TFIP11: variants seen among roughly 807,000 people sequenced by gnomAD.
TFIP11 encodes tuftelin interacting protein 11.
In TFIP11, 86 loss-of-function variants were observed where a neutral mutation model predicts 96.8. The observed-to-expected ratio is 0.89, with a 90% CI of 0.75 to 1.06. The LOEUF is 1.06. Ranked by LOEUF, TFIP11 falls within the 50% of genes least tolerant of loss-of-function variation. The probability of loss-of-function intolerance (pLI) is 0.00; values close to 1 mark genes in which losing one functional copy is unlikely to be tolerated. For missense variants in TFIP11, 881 were observed against 1,076.7 expected, an observed-to-expected ratio of 0.82 and a Z score of 2.54; for synonymous variants, 405 against 395.2, an observed-to-expected ratio of 1.02 and a Z score of -0.29.
chr22:26,501,845 C>T lies in TFIP11; in HGVS notation c.801+55G>A, dbSNP rs141906832. On this transcript the variant is annotated intron_variant, in intron 8 of 14. Coordinates refer to ENST00000407690, the MANE Select transcript of TFIP11 (RefSeq NM_012143.4). ...GATCCAAAAAACCCTCGAACATGTT[C>T]AGTGATTATTTCTGGGGTGTGGATC... 4 of 1,197,994 alleles carry T rather than the reference C, an allele frequency of 3.3e-6. No homozygotes were observed. The East Asian group carries it at 1.3e-4, about 38-fold the overall frequency. The allele number at this position is 1,197,994 out of a possible 1,614,324, so 74.2% of individuals were successfully genotyped here. A position where few individuals can be genotyped will look rare whatever the true frequency, so the allele number is the denominator to read the frequency against.
At chr22:26,497,880 A>G (rs1922260201) in intron 10 of TFIP11, among the ~76,000 whole-genome samples, 1 of 151,640 alleles carries the variant, frequency 6.6e-6, no homozygotes, top group African/African-American at 2.4e-5. Flanking sequence ...ATCTCAAAAA[A>G]AAAAAAAAAA....
Position 26,499,367 on chromosome 22 carries a change from G to C in TFIP11, c.1066C>G (p.Leu356Val). 1 of 1,614,104 alleles carries C rather than the reference G, an allele frequency of 6.2e-7. No individual in the cohort carries two copies. Among genetic ancestry groups the C allele is most frequent in the Non-Finnish European group, 8.5e-7 (1 of 1,179,960 alleles). Residue 356 changes from leucine to valine, a missense_variant, in exon 9 of 15, where the codon CTG becomes GTG. Leu to Val is a conservative substitution (Grantham distance 32, BLOSUM62 1). Coordinates refer to ENST00000407690, the MANE Select transcript of TFIP11 (RefSeq NM_012143.4). ...TCCAGGACCTCGGTCATCTTCTCCAGCTCGTGGAAGAGGTTGACCACCATG... is the reference window on the plus strand; with the variant it reads ...TCCAGGACCTCGGTCATCTTCTCCACCTCGTGGAAGAGGTTGACCACCATG... ...RDMVVNLFHE[L>V]EKMTEVLDHE...
rs1349097563 is a variant in TFIP11, at chr22:26,499,216, G to T, written c.1217C>A (p.Thr406Asn). 2 of 1,613,966 alleles carry T rather than the reference G, an allele frequency of 1.2e-6. No homozygotes were observed. Among genetic ancestry groups the T allele is most frequent in the Admixed American group, 1.7e-5 (1 of 59,988 alleles). ...CTCCTCATAGTACTTGTCCTGCAGG[G>T]TTTCGAAGATGCGGGCACACTCGTC... is the stretch of plus-strand genomic sequence containing the variant. Reference protein sequence around the residue: ...TLDECARIFETLQDKYYEEYR... With the variant: ...TLDECARIFENLQDKYYEEYR... Residue 406 changes from threonine (T) to asparagine (N), a missense_variant, in exon 9 of 15, where the codon ACC (threonine) becomes AAC (asparagine). By Grantham distance (65) the Thr-to-Asn change is moderately conservative (BLOSUM62 0). Coordinates refer to ENST00000407690, the MANE Select transcript of TFIP11 (RefSeq NM_012143.4).
At position 26,502,013 on chromosome 22, in the gene TFIP11, T is replaced by C. The variant is rs891899436; in HGVS notation, c.688A>G (p.Ser230Gly). The change falls in exon 8 of 15, where the codon AGT (serine) becomes GGT (glycine). Residue 230 changes from serine (S) to glycine (G), a missense_variant. Transcript: ENST00000407690. ...KELSQWRKDP[S>G]GSKKKPKYSY... ...TATTTGGGCTTCTTCTTGCTTCCAC[T>C]TGGGTCTTTCCTCCACTGGCTCAGC... 6 of 1,613,860 alleles carry C rather than the reference T, an allele frequency of 3.7e-6. No homozygotes were observed. The highest frequency in any genetic ancestry group is 1.7e-5 in the Admixed American group (1 of 59,992).
chr22:26,491,986 TCTGA>T lies in TFIP11; in HGVS notation c.*23_*26del, dbSNP rs1459230975. ...AGTACATCCCTCTTAGGGGCAAGTC[TCTGA>T]CTGGTTCTGGACCTGCCACAGTTCA... On this transcript the variant is annotated 3_prime_UTR_variant, in exon 15 of 15. Transcript: ENST00000407690. The T allele has an allele frequency of 6.4e-7, 1 of 1,558,490 alleles. No individual in the cohort carries two copies. Among genetic ancestry groups the T allele is most frequent in the South Asian group, 1.2e-5 (1 of 85,224 alleles).
At position 26,499,610 on chromosome 22, in the gene TFIP11, C is replaced by T; in HGVS notation, c.823G>A (p.Glu275Lys). The change falls in exon 9 of 15, where the codon GAG (glutamate) becomes AAG (lysine). Residue 275 changes from glutamate to lysine, a missense_variant. Physicochemically the swap from Glu to Lys is moderately conservative, Grantham distance 56. Coordinates refer to ENST00000407690, the MANE Select transcript of TFIP11 (RefSeq NM_012143.4). ...QVKVIDMTGR[E>K]QKVYYSYSQI... is the part of the protein sequence containing the mutation. ...CTGTAGCTGTAGTAGACCTTCTGCT[C>T]CCGGCCTGTCATGTCTATGACCTTG... 6.2e-7 allele frequency: 1 copy of T among 1,612,466 alleles called. No homozygotes were observed. Among genetic ancestry groups the T allele is most frequent in the South Asian group, 1.1e-5 (1 of 90,960 alleles).
At position 26,503,902 on chromosome 22, in the gene TFIP11, CA is replaced by C. The variant is rs1923105799; in HGVS notation, c.521-110del. ...GTTTCTTGCTCCTTCCACAAAATAA[CA>C]TGCTACTCAGGAAGGAGAGCTATTC... is the stretch of plus-strand genomic sequence containing the variant. On this transcript the variant is annotated intron_variant, in intron 6 of 14. Coordinates refer to ENST00000407690, the MANE Select transcript of TFIP11 (RefSeq NM_012143.4). 1.6e-5 allele frequency: 23 copies of C among 1,404,052 alleles called. No homozygotes were observed. In the South Asian group the frequency reaches 3.0e-4, roughly 18 times the overall value. 87.0% of individuals were successfully genotyped at this position (1,404,052 alleles called of 1,614,324 possible).
intron 8 of TFIP11, among the ~76,000 whole-genome samples, chr22:26,500,449 A>G (rs12484692): frequency 0.2 from 31,004 of 152,204 alleles, 3,378 homozygotes; most frequent in Admixed American, 0.23. Context: ...GATTACAGGC[A>G]TGAGCCACTG....
chr22:26,491,497 A>C lies in TFIP11; in HGVS notation c.*516T>G, dbSNP rs775547846. 1.9e-6 allele frequency: 3 copies of C among 1,613,904 alleles called. No individual in the cohort carries two copies. Among genetic ancestry groups the C allele is most frequent in the Non-Finnish European group, 2.5e-6 (3 of 1,180,016 alleles). Reference sequence around the variant, plus strand: ...GGACTGGAGGAGCTTGAGTTTCCTCAGACTTCACAATACATGGACATATTT... The same window carrying C: ...GGACTGGAGGAGCTTGAGTTTCCTCCGACTTCACAATACATGGACATATTT... On this transcript the variant is annotated 3_prime_UTR_variant, in exon 15 of 15. Coordinates refer to ENST00000407690, the MANE Select transcript of TFIP11 (RefSeq NM_012143.4).
At chr22:26,494,771 A>G in intron 13 of TFIP11, 26 bp downstream of exon 13, 1 of 1,613,982 alleles carries the variant, frequency 6.2e-7, no homozygotes, top group Admixed American at 1.7e-5. Flanking sequence ...TCCCTCCCCC[A>G]GAAATCCAAG....
intron 8 of TFIP11, among the ~76,000 whole-genome samples, chr22:26,500,953 C>T (rs1298459231): frequency 6.8e-6 from 1 of 147,230 alleles, no homozygotes; most frequent in African/African-American, 2.5e-5. Context: ...GCACGATTTC[C>T]GCTCACTGCA....
At chr22:26,507,295 G>A (rs1369235147) in intron 4 of TFIP11, among the ~76,000 whole-genome samples, 1 of 152,072 alleles carries the variant, frequency 6.6e-6, no homozygotes, top group African/African-American at 2.4e-5. Flanking sequence ...TCCAACAGGA[G>A]CAGAAATTTT....
At chr22:26,501,813 G>GCAAAAAGAACCAAAAAACC in intron 8 of TFIP11, 87 bp downstream of exon 8, 1 of 673,642 alleles carries the variant, frequency 1.5e-6, no homozygotes, top group East Asian at 3.8e-5. Context: ...AAAAAGCCTA[G>GCAAAAAGAACCAAAAAACC]CTAAAAGATC....
chr22:26,499,494 G>C lies in TFIP11; in HGVS notation c.939C>G (p.Pro313=). 6.2e-7 allele frequency: 1 copy of C among 1,614,054 alleles called. No individual in the cohort carries two copies. Among genetic ancestry groups the C allele is most frequent in the Non-Finnish European group, 8.5e-7 (1 of 1,180,044 alleles). The part of the protein sequence containing the change: ...LPQSGKEAKA[P]GFALPELEHN... ...GCTCCAGCTCGGGCAGCGCGAAGCC[G>C]GGGGCCTTGGCCTCTTTGCCAGACT... is the stretch of plus-strand genomic sequence containing the variant. The change falls in exon 9 of 15, where the codon CCC becomes CCG. Residue 313 remains proline, a synonymous_variant. Coordinates refer to ENST00000407690, the MANE Select transcript of TFIP11 (RefSeq NM_012143.4).
At chr22:26,492,446 T>C in intron 14 of TFIP11, 78 bp from the exon 15 acceptor site, 3 of 1,377,474 alleles carry the variant, frequency 2.2e-6, no homozygotes, top group Non-Finnish European at 3.0e-6. Context: ...TTGGCCCAGG[T>C]CTTGGGTGTG....
In TFIP11 at chr22:26,496,106, C is replaced by T. The variant is rs1316340753; in HGVS notation, c.1816G>A (p.Ala606Thr). 1.9e-6 allele frequency: 3 copies of T among 1,613,764 alleles called. No individual in the cohort carries two copies. The highest frequency in any genetic ancestry group is 4.5e-5 in the East Asian group (2 of 44,894). The change falls in exon 12 of 15, where the codon GCA becomes ACA. Residue 606 changes from alanine to threonine, a missense_variant. Ala to Thr is a moderately conservative substitution (Grantham distance 58). Coordinates refer to ENST00000407690, the MANE Select transcript of TFIP11 (RefSeq NM_012143.4). ...GGCACTATGTTTTTGACCATGAATG[C>T]TTCCCAGGAGCCAGGAGTGAAGACA... is the stretch of plus-strand genomic sequence containing the variant. ...KDVFTPGSWE[A>T]FMVKNIVPKL...
At chr22:26,502,778 A>C (rs1009194481) in intron 7 of TFIP11, among the ~76,000 whole-genome samples, 1 of 152,152 alleles carries the variant, frequency 6.6e-6, no homozygotes, top group African/African-American at 2.4e-5. Context: ...CATAAGCAAC[A>C]ATCACCTAGA....
chr22:26,507,227 T>A (rs1194404355), intron 4 of TFIP11, among the ~76,000 whole-genome samples: 2 of 152,306 alleles, frequency 1.3e-5, no homozygotes, highest in East Asian at 3.9e-4. Context: ...TCCTACATTT[T>A]AAAAAATTAA....
At chr22:26,499,966 C>T (rs1417763332) in intron 8 of TFIP11, among the ~76,000 whole-genome samples, 1 of 151,758 alleles carries the variant, frequency 6.6e-6, no homozygotes, top group Non-Finnish European at 1.5e-5. Flanking sequence ...CTGTACTGAT[C>T]AAAGAAGGTA....
Sources: allele counts gnomAD v4.1 joint callset (sites outside exome capture counted in the v4.1 genomes callset), GRCh38; gene constraint gnomAD v4.1.1; transcripts MANE v1.5; gene names NCBI Gene and HGNC (gene_info 2026-07-23, HGNC 2026-07-21).